IARS2: variants seen among roughly 807,000 people sequenced by gnomAD.
IARS2 encodes isoleucine--tRNA ligase, mitochondrial.
In IARS2, 56 loss-of-function variants were observed where a neutral mutation model predicts 126.3. The observed-to-expected ratio is 0.44, with a 90% CI of 0.36 to 0.55. The LOEUF (loss-of-function observed/expected upper bound fraction) is 0.55, where lower values mean the gene tolerates loss of function less well. Ranked by LOEUF, IARS2 falls within the 20% of genes least tolerant of loss-of-function variation. IARS2 has a pLI of 0.00. For missense variants in IARS2, 1,127 were observed against 1,245.9 expected (o/e 0.90, Z 1.44); for synonymous variants, 407 against 441.1 (o/e 0.92, Z 0.97).
intron 10 of IARS2, among the ~76,000 whole-genome samples, chr1:220,108,843 C>T (rs1656737449): frequency 1.5e-5 from 2 of 137,790 alleles, no homozygotes; most frequent in Non-Finnish European, 1.5e-5. Context: ...TTAAATGTCT[C>T]TCTGTGAATC....
intron 7 of IARS2, 67 bp from the exon 8 acceptor site, chr1:220,103,380 A>T: frequency 2.0e-6 from 2 of 981,346 alleles, no homozygotes; most frequent in Non-Finnish European, 1.6e-6. Flanking sequence ...ATTATTTAAA[A>T]ATTAAAATGA....
chr1:220,104,279 A>C (rs911150945), intron 8 of IARS2, among the ~76,000 whole-genome samples: 2 of 152,182 alleles, frequency 1.3e-5, no homozygotes, highest in Non-Finnish European at 2.9e-5. Context: ...GCCTAGCCCA[A>C]AATAATTCTT....
At chr1:220,143,237 A>C in intron 21 of IARS2, 103 bp downstream of exon 21, 1 of 680,120 alleles carries the variant, frequency 1.5e-6, no homozygotes, top group Non-Finnish European at 2.4e-6. Context: ...ACATTGGGTT[A>C]TGTGTAACTT....
intron 12 of IARS2, among the ~76,000 whole-genome samples, chr1:220,121,545 A>G (rs1402401824): frequency 1.3e-5 from 2 of 152,216 alleles, no homozygotes; most frequent in Non-Finnish European, 2.9e-5. Flanking sequence ...ACTTGAATGT[A>G]GTTAAATAAC....
At chr1:220,145,484 G>A in intron 21 of IARS2, 25 bp from the exon 22 acceptor site, 1 of 1,582,340 alleles carries the variant, frequency 6.3e-7, no homozygotes. Flanking sequence ...AACATAAACT[G>A]TAACTTTCAC....
At position 220,140,189 on chromosome 1, in the gene IARS2, G is replaced by A. The variant is rs139651915; in HGVS notation, c.2314G>A (p.Glu772Lys). The A allele has an allele frequency of 2.0e-5, 32 of 1,604,676 alleles. No homozygotes were observed. Among genetic ancestry groups the A allele is most frequent in the African/African-American group, 1.1e-4 (8 of 74,724 alleles). ...LLQDLANKIT[E>K]LYKQYDFGKV... is the part of the protein sequence containing the mutation. ...TTTTGGCTTTGTTCCCTAGATTACC[G>A]AATTATACAAACAATATGATTTTGG... The change falls in exon 19 of 23, where the codon GAA becomes AAA. Residue 772 changes from glutamate to lysine, a missense_variant. Physicochemically the swap from Glu to Lys is moderately conservative, Grantham distance 56 (BLOSUM62 1). Transcript: ENST00000366922.
At chr1:220,110,549 A>G (rs1281804153) in intron 10 of IARS2, among the ~76,000 whole-genome samples, 1 of 152,088 alleles carries the variant, frequency 6.6e-6, no homozygotes, top group Non-Finnish European at 1.5e-5. Flanking sequence ...CATTTTTAGT[A>G]GAGACGAGGT....
intron 11 of IARS2, among the ~76,000 whole-genome samples, chr1:220,113,333 T>C (rs953756059): frequency 2.0e-5 from 3 of 152,180 alleles, no homozygotes; most frequent in African/African-American, 7.2e-5. Context: ...TGCCAATAGG[T>C]GGTGCTACAG....
At chr1:220,135,812 ATTT>A (rs1282331832) in intron 15 of IARS2, among the ~76,000 whole-genome samples, 1 of 126,134 alleles carries the variant, frequency 7.9e-6, no homozygotes, top group Admixed American at 8.1e-5. Flanking sequence ...TTCATTTAAA[ATTT>A]TTTTTTTTTT....
At chr1:220,096,027 G>A in intron 1 of IARS2, 77 bp from the exon 2 acceptor site, 1 of 782,934 alleles carries the variant, frequency 1.3e-6, no homozygotes, top group South Asian at 2.1e-5. Flanking sequence ...ATAAGCAAGT[G>A]TTGGCTGTTA....
intron 19 of IARS2, among the ~76,000 whole-genome samples, chr1:220,140,615 TTGAG>T (rs1657467197): frequency 6.6e-6 from 1 of 151,344 alleles, no homozygotes; most frequent in African/African-American, 2.4e-5. Context: ...CAAGTATTTT[TTGAG>T]TGTCTACTTG....
At chr1:220,134,945 T>A (rs909769044) in intron 15 of IARS2, 1 of 152,384 alleles carries the variant, frequency 6.6e-6, no homozygotes, top group Admixed American at 6.5e-5. Flanking sequence ...TTTTTAATTT[T>A]TTTTTAGAGG....
intron 12 of IARS2, among the ~76,000 whole-genome samples, chr1:220,117,066 A>G (rs1335630795): frequency 2.0e-5 from 3 of 151,898 alleles, no homozygotes; most frequent in Non-Finnish European, 4.4e-5. Flanking sequence ...TTTAAAAGAA[A>G]AAGAATTAAA....
intron 7 of IARS2, 42 bp from the exon 8 acceptor site, chr1:220,103,405 C>G: frequency 1.7e-6 from 2 of 1,143,502 alleles, no homozygotes; most frequent in Non-Finnish European, 2.6e-6. Context: ...TGTGGCTTTT[C>G]TTGTTTCATT....
chr1:220,140,750 C>T (rs1014546599), intron 19 of IARS2, among the ~76,000 whole-genome samples: 5 of 151,550 alleles, frequency 3.3e-5, no homozygotes, highest in African/African-American at 1.2e-4. Context: ...TTTGGGAGGC[C>T]GAGGCGGGCG....
chr1:220,133,166 G>A (rs1975302), intron 14 of IARS2, among the ~76,000 whole-genome samples: 6,376 of 151,722 alleles, frequency 0.042, 439 homozygotes, highest in African/African-American at 0.14. Context: ...GCCCACCACC[G>A]TGCCCAGATA....
intron 11 of IARS2, 32 bp from the exon 12 acceptor site, chr1:220,114,282 C>G: frequency 6.3e-7 from 1 of 1,589,510 alleles, no homozygotes; most frequent in Non-Finnish European, 8.6e-7. Context: ...TCTGCTTTCT[C>G]TCACAAGACT....
At position 220,140,306 on chromosome 1, in the gene IARS2, AT is replaced by A; in HGVS notation, c.2414+19del. 7.0e-7 allele frequency: 1 copy of A among 1,430,812 alleles called. No individual in the cohort carries two copies. Among genetic ancestry groups the A allele is most frequent in the Middle Eastern group, 1.8e-4 (1 of 5,714 alleles). 88.6% of individuals were successfully genotyped at this position (1,430,812 alleles called of 1,614,324 possible). A position where few individuals can be genotyped will look rare whatever the true frequency, so the allele number is the denominator to read the frequency against. On this transcript the variant is annotated intron_variant, in intron 19 of 22. Transcript: ENST00000366922. ...CAAAGATAGGTATGTATGACTAAAT[AT>A]TAAAATGCTTAACAATGGCCAGGTG...
At chr1:220,126,125 A>G (rs1657151762) in intron 13 of IARS2, among the ~76,000 whole-genome samples, 1 of 149,600 alleles carries the variant, frequency 6.7e-6, no homozygotes, top group South Asian at 2.1e-4. Context: ...AAAAAAAAAG[A>G]AAAAGAAAAA....
Sources: gnomAD v4.1 joint callset for allele counts (sites outside exome capture counted in the v4.1 genomes callset) on GRCh38, gnomAD v4.1.1 for gene constraint, MANE v1.5 for transcripts, NCBI Gene and HGNC (gene_info 2026-07-23, HGNC 2026-07-21) for gene names.